PRKACB: variants seen among roughly 807,000 people sequenced by gnomAD.
PRKACB encodes the protein protein kinase cAMP-activated catalytic subunit beta.
PRKACB carries 16 observed loss-of-function variants against 51.4 expected under a neutral mutation model. That is an observed-to-expected ratio of 0.31 (90% CI 0.21 to 0.47). PRKACB has a LOEUF of 0.47. Among genes scored for constraint, PRKACB ranks in the 20% least tolerant of loss-of-function variants. The pLI, the probability that PRKACB is intolerant of heterozygous loss-of-function variation, is 1.00. For missense variants in PRKACB, 309 were observed against 464.5 expected (o/e 0.67, Z 3.08); for synonymous variants, 147 against 154.4 (o/e 0.95, Z 0.35).
intron 1 of PRKACB, among the ~76,000 whole-genome samples, chr1:84,156,155 AT>A (rs936778842): frequency 6.6e-6 from 1 of 151,714 alleles, no homozygotes; most frequent in African/African-American, 2.4e-5. Context: ...TGCCAGGCTA[AT>A]TTTTTTTAAG....
At chr1:84,139,984 C>G (rs911183051), upstream of PRKACB, among the ~76,000 whole-genome samples, 1 of 152,174 alleles carries the variant, frequency 6.6e-6, no homozygotes, top group Non-Finnish European at 1.5e-5. Context: ...AGCTTGAACC[C>G]AGGAGGCGGA....
At position 84,235,441 on chromosome 1, in the gene PRKACB, A is replaced by G. The variant is rs1676579734; in HGVS notation, c.*136A>G. The G allele has an allele frequency of 2.5e-6, 3 of 1,178,532 alleles. No homozygotes were observed. Among genetic ancestry groups the G allele is most frequent in the South Asian group, 1.4e-5 (1 of 71,540 alleles). The allele number at this position is 1,178,532 out of a possible 1,614,324, so 73.0% of individuals were successfully genotyped here. Reference sequence around the variant, plus strand: ...ACGACTGAGTGAGGTCTTTATTGCCATCATCCCGTGTGCGCACTCTGCATC... The same window carrying G: ...ACGACTGAGTGAGGTCTTTATTGCCGTCATCCCGTGTGCGCACTCTGCATC... On this transcript the variant is annotated 3_prime_UTR_variant, in exon 10 of 10. Transcript: ENST00000370685.
chr1:84,180,465 C>T (rs947254551), intron 2 of PRKACB, among the ~76,000 whole-genome samples: 5 of 151,100 alleles, frequency 3.3e-5, no homozygotes, highest in African/African-American at 9.7e-5. Context: ...AAATATGGTG[C>T]AGTGTATACT....
At chr1:84,215,117 T>A (rs1185121941) in intron 9 of PRKACB, among the ~76,000 whole-genome samples, 4 of 152,256 alleles carry the variant, frequency 2.6e-5, no homozygotes, top group Non-Finnish European at 5.9e-5. Context: ...CTTTATCCAT[T>A]TGAAAGCTAA....
chr1:84,157,259 T>C (rs1655617348), intron 1 of PRKACB: 1 of 152,160 alleles, frequency 6.6e-6, no homozygotes, highest in South Asian at 2.1e-4. Flanking sequence ...GTTAGATCAT[T>C]CCCCTGAGGT....
rs192868180 is a variant in PRKACB, at chr1:84,184,625, T to C, written c.478-475T>C. ...GTCACTTTTGAGCTCTTTGGAATGA[T>C]ACTGGCATCTCTCTGCAATATTGAA... On this transcript the variant is annotated intron_variant, in intron 4 of 9. Coordinates refer to ENST00000370685, the MANE Select transcript of PRKACB (RefSeq NM_182948.4). Among the ~76,000 whole-genome samples the C allele has an allele frequency of 2.3e-4, 35 of 152,050 alleles. No individual in the cohort carries two copies. In the East Asian group the frequency reaches 6.0e-3, roughly 26 times the overall value.
chr1:84,120,636 A>T (rs1381842958), intron 1 of PRKACB, among the ~76,000 whole-genome samples: 1 of 152,132 alleles, frequency 6.6e-6, no homozygotes. Flanking sequence ...TTCACTTCAT[A>T]TGTTTACAAG....
chr1:84,229,689 T>C (rs1426651295), intron 9 of PRKACB, among the ~76,000 whole-genome samples: 1 of 150,758 alleles, frequency 6.6e-6, no homozygotes, highest in Non-Finnish European at 1.5e-5. Context: ...CCAGTGATGG[T>C]GAGCATTTTT....
chr1:84,105,123 TATAA>T, intron 1 of PRKACB, among the ~76,000 whole-genome samples: 1 of 152,324 alleles, frequency 6.6e-6, no homozygotes, highest in East Asian at 1.9e-4. Flanking sequence ...GGATAGTTTG[TATAA>T]ATAACCAAAA....
At chr1:84,157,064 TA>T (rs1655590460) in intron 1 of PRKACB, among the ~76,000 whole-genome samples, 1 of 152,192 alleles carries the variant, frequency 6.6e-6, no homozygotes, top group South Asian at 2.1e-4. Flanking sequence ...GACCTATCAC[TA>T]AAATCTATGA....
At chr1:84,213,804 T>A (rs1365477389) in intron 8 of PRKACB, among the ~76,000 whole-genome samples, 1 of 152,208 alleles carries the variant, frequency 6.6e-6, no homozygotes, top group African/African-American at 2.4e-5. Flanking sequence ...GACACAGGTT[T>A]GTAATGTATG....
intron 1 of PRKACB, among the ~76,000 whole-genome samples, chr1:84,087,529 A>G (rs1332684930): frequency 6.6e-6 from 1 of 152,184 alleles, no homozygotes; most frequent in Non-Finnish European, 1.5e-5. Context: ...CAAAAGCTAG[A>G]TAATGCTTTT....
intron 1 of PRKACB, 110 bp from the exon 2 acceptor site, chr1:84,179,067 T>A (rs1662305305): frequency 8.1e-7 from 1 of 1,236,350 alleles, no homozygotes. Context: ...TTTATCACAA[T>A]AGATGACATG....
intron 1 of PRKACB, among the ~76,000 whole-genome samples, chr1:84,121,811 TCTC>T (rs1651101762): frequency 6.6e-6 from 1 of 152,042 alleles, no homozygotes; most frequent in Non-Finnish European, 1.5e-5. Context: ...AGAGAAGCCC[TCTC>T]CTCTGGCTGG....
chr1:84,215,501 C>G (rs540760433), intron 9 of PRKACB, among the ~76,000 whole-genome samples: 1 of 152,238 alleles, frequency 6.6e-6, no homozygotes, highest in East Asian at 1.9e-4. Context: ...TCTTTGCTCG[C>G]TAAAGGGATT....
chr1:84,229,253 A>T (rs1361037905), intron 9 of PRKACB, among the ~76,000 whole-genome samples: 2 of 125,124 alleles, frequency 1.6e-5, no homozygotes, highest in African/African-American at 6.7e-5. Context: ...CCTACGAAGG[A>T]CATGAACTCA....
In PRKACB at chr1:84,235,459, TCTGCATCC is replaced by T. The variant is rs1014600020; in HGVS notation, c.*155_*162del. 2.5e-5 allele frequency: 23 copies of T among 935,194 alleles called. No homozygotes were observed. Among genetic ancestry groups the T allele is most frequent in the Non-Finnish European group, 3.3e-5 (21 of 627,432 alleles). 57.9% of individuals were successfully genotyped at this position (935,194 alleles called of 1,614,324 possible). The stretch of plus-strand genomic sequence containing the variant: ...TATTGCCATCATCCCGTGTGCGCAC[TCTGCATCC>T]ACCTATGTAACAAGGCACCGCTAAG... On this transcript the variant is annotated 3_prime_UTR_variant, in exon 10 of 10. Coordinates refer to ENST00000370685, the MANE Select transcript of PRKACB (RefSeq NM_182948.4).
At chr1:84,231,009 G>T (rs1342799143) in intron 9 of PRKACB, among the ~76,000 whole-genome samples, 64 of 143,268 alleles carry the variant, frequency 4.5e-4, no homozygotes, top group Non-Finnish European at 8.2e-4. Context: ...TCTTGTGCCA[G>T]TTTTCAAAGG....
intron 9 of PRKACB, among the ~76,000 whole-genome samples, chr1:84,223,637 G>A (rs565967495): frequency 9.9e-5 from 15 of 152,002 alleles, no homozygotes; most frequent in Non-Finnish European, 2.1e-4. Flanking sequence ...CCAAAGTGCT[G>A]GGATTACAAG....
Sources: gnomAD v4.1 joint callset for allele counts (sites outside exome capture counted in the v4.1 genomes callset) on GRCh38, gnomAD v4.1.1 for gene constraint, MANE v1.5 for transcripts, NCBI Gene and HGNC (gene_info 2026-07-23, HGNC 2026-07-21) for gene names.